NKTR: variants seen among roughly 807,000 people sequenced by gnomAD.
NKTR encodes natural killer cell triggering receptor, also known as NK-tumor recognition protein.
In NKTR, 67 loss-of-function variants were observed where a neutral mutation model predicts 156.3. The ratio of observed to expected loss-of-function variants is 0.43; its 90% CI spans 0.35 to 0.53. NKTR has a LOEUF of 0.53. NKTR is among the 20% of genes least tolerant of loss of function. NKTR has a pLI of 0.01. For synonymous variants in NKTR, 640 were observed against 596.6 expected, an observed-to-expected ratio of 1.07 and a Z score of -1.06; for missense variants, 1,604 against 1,730.9, an observed-to-expected ratio of 0.93 and a Z score of 1.30.
Position 42,613,728 on chromosome 3 carries a change from A to G in NKTR, c.59-3842A>G, listed in dbSNP as rs1707067798. On this transcript the variant is annotated intron_variant, in intron 2 of 16. Coordinates refer to ENST00000232978, the MANE Select transcript of NKTR (RefSeq NM_005385.4). ...GCCAAATCAGAATCTACACCATGACATAGACTTTTCCTGTCTGTAGTCAAA... is the reference window on the plus strand; with the variant it reads ...GCCAAATCAGAATCTACACCATGACGTAGACTTTTCCTGTCTGTAGTCAAA... 2.0e-5 allele frequency among the ~76,000 whole-genome samples: 3 copies of G among 152,200 alleles called. No individual in the cohort carries two copies. The South Asian group carries it at 6.2e-4, about 32-fold the overall frequency.
chr3:42,618,500 G>C lies in NKTR; in HGVS notation c.134-520G>C, dbSNP rs556078630. On this transcript the variant is annotated intron_variant, in intron 3 of 16. Transcript: ENST00000232978. ...TTGTCTCAAAAACAGGCTGGAGTGC[G>C]GTAGTGTGATCTCAGCTCACTGCAA... Among the ~76,000 whole-genome samples, 3 of 152,106 alleles carry C rather than the reference G, an allele frequency of 2.0e-5. No homozygotes were observed. In the South Asian group the frequency reaches 6.2e-4, roughly 32 times the overall value.
chr3:42,640,826 G>A (rs776594627), intron 13 of NKTR, among the ~76,000 whole-genome samples: 2 of 152,172 alleles, frequency 1.3e-5, no homozygotes, highest in Non-Finnish European at 2.9e-5. Flanking sequence ...TCGTCCCTGT[G>A]TTCTAGGCTT....
Position 42,621,534 on chromosome 3 carries a change from A to G in NKTR, c.374+18A>G, listed in dbSNP as rs372924764. On this transcript the variant is annotated intron_variant, in intron 6 of 16. Coordinates refer to ENST00000232978, the MANE Select transcript of NKTR (RefSeq NM_005385.4). ...TTTTTCATGTGAGTAGGCATAATTC[A>G]GAGATGAGCTTTTCTTAAACAGAGA... is the stretch of plus-strand genomic sequence containing the variant. 5 of 1,602,314 alleles carry G rather than the reference A, an allele frequency of 3.1e-6. No individual in the cohort carries two copies. The highest frequency in any genetic ancestry group is 4.3e-6 in the Non-Finnish European group (5 of 1,175,836).
At position 42,637,834 on chromosome 3, in the gene NKTR, T is replaced by C. The variant is rs1238433846; in HGVS notation, c.2130T>C (p.Arg710=). 1 of 1,613,872 alleles carries C rather than the reference T, an allele frequency of 6.2e-7. No individual in the cohort carries two copies. The highest frequency in any genetic ancestry group is 8.5e-7 in the Non-Finnish European group (1 of 1,179,816). ...RSYSRSYTRS[R]SLASSHSRSR... Reference sequence around the variant, plus strand: ...ATTCCAGATCATATACAAGATCACGTAGTCTAGCTAGTTCACATTCAAGGT... The same window carrying C: ...ATTCCAGATCATATACAAGATCACGCAGTCTAGCTAGTTCACATTCAAGGT... The change falls in exon 13 of 17, where the codon CGT becomes CGC. Residue 710 remains arginine (R), a synonymous_variant. Coordinates refer to ENST00000232978, the MANE Select transcript of NKTR (RefSeq NM_005385.4).
chr3:42,638,322 G>A lies in NKTR; in HGVS notation c.2618G>A (p.Ser873Asn), dbSNP rs758154642. The A allele has an allele frequency of 1.2e-6, 2 of 1,610,172 alleles. No individual in the cohort carries two copies. The highest frequency in any genetic ancestry group is 2.7e-5 in the African/African-American group (2 of 74,504). The change falls in exon 13 of 17, where the codon AGT becomes AAT. Residue 873 changes from serine to asparagine, a missense_variant. By Grantham distance (46) the Ser-to-Asn change is conservative. This residue lies in a region of NKTR where 1,255 missense variants were observed against 1,243.7 expected (regional missense o/e 1.01). Transcript: ENST00000232978. ...ENLSDHLRNG[S>N]KPKRKNYAGS... ...CTTTCTGATCACCTTAGAAATGGCA[G>A]TAAGCCCAAAAGGAAGAATTATGCT...
chr3:42,629,059 C>A, intron 6 of NKTR: 1 of 919,826 alleles, frequency 1.1e-6, no homozygotes, highest in Non-Finnish European at 1.3e-6. Flanking sequence ...ATAATAGAGT[C>A]ACTAGCTTCT....
At chr3:42,630,366 A>G in intron 6 of NKTR, 180 bp from the exon 7 acceptor site, 1 of 1,406,526 alleles carries the variant, frequency 7.1e-7, no homozygotes, top group Non-Finnish European at 9.2e-7. Context: ...TAAATTAGTA[A>G]GATGGCTACT....
At position 42,642,166 on chromosome 3, in the gene NKTR, G is replaced by A. The variant is rs575584382; in HGVS notation, c.4047-335G>A. ...TAGTTCATTTTCTTCAGAATATTTC[G>A]TTATATATCTCTACCTTAATGTTTT... On this transcript the variant is annotated intron_variant, in intron 13 of 16. Transcript: ENST00000232978. 2.6e-5 allele frequency among the ~76,000 whole-genome samples: 4 copies of A among 152,018 alleles called. No homozygotes were observed. The South Asian group carries it at 6.2e-4, about 24-fold the overall frequency.
Position 42,632,698 on chromosome 3 carries a change from T to G in NKTR, c.648T>G (p.Leu216=). The G allele has an allele frequency of 6.2e-7, 1 of 1,613,880 alleles. No individual in the cohort carries two copies. ...CAGAATCATCTTCAGAAAGTGAACT[T>G]GAACATGAGAGAAGCAGAAGGAGGA... ...SSSESSSESE[L]EHERSRRRKH... Residue 216 remains leucine, a synonymous_variant, in exon 9 of 17, where the codon CTT becomes CTG. Transcript: ENST00000232978.
At position 42,639,032 on chromosome 3, in the gene NKTR, C is replaced by T; in HGVS notation, c.3328C>T (p.His1110Tyr). The change falls in exon 13 of 17, where the codon CAC becomes TAC. Residue 1110 changes from histidine to tyrosine, a missense_variant. By Grantham distance (83) the His-to-Tyr change is moderately conservative (BLOSUM62 2). This residue lies in a region of NKTR where 1,255 missense variants were observed against 1,243.7 expected (regional missense o/e 1.01). Transcript: ENST00000232978. ...ENVACLQNIQHVEESVPNGVE... is the reference protein window; with the variant it reads ...ENVACLQNIQYVEESVPNGVE... Reference sequence around the variant, plus strand: ...TGTGGCCTGTTTACAAAACATTCAGCACGTTGAAGAAAGTGTTCCCAATGG... The same window carrying T: ...TGTGGCCTGTTTACAAAACATTCAGTACGTTGAAGAAAGTGTTCCCAATGG... The T allele has an allele frequency of 6.2e-7, 1 of 1,613,844 alleles. No individual in the cohort carries two copies. Among genetic ancestry groups the T allele is most frequent in the Non-Finnish European group, 8.5e-7 (1 of 1,179,880 alleles).
chr3:42,617,772 G>A, intron 3 of NKTR, 128 bp downstream of exon 3: 1 of 555,906 alleles, frequency 1.8e-6, no homozygotes, highest in Non-Finnish European at 3.2e-6. Flanking sequence ...AAAAAAAAGA[G>A]TTACTTATAC....
rs147385453 is a variant in NKTR, at chr3:42,636,891, G to T, written c.1187G>T (p.Arg396Leu). Residue 396 changes from arginine (R) to leucine (L), a missense_variant, in exon 13 of 17, where the codon CGA becomes CTA. This residue lies in a region of NKTR where 1,255 missense variants were observed against 1,243.7 expected (regional missense o/e 1.01). Transcript: ENST00000232978. ...AGGTTAAGTGACCCCTGTTCAAGCC[G>T]ATGGGATGAAAGAAGCTTGTCTCAG... The part of the protein sequence containing the change: ...GDKLSDPCSS[R>L]WDERSLSQRS... The T allele has an allele frequency of 8.3e-6, 13 of 1,573,570 alleles. No homozygotes were observed. The African/African-American group carries it at 1.7e-4, about 20-fold the overall frequency.
intron 6 of NKTR, chr3:42,627,031 C>T (rs1708459966): frequency 3.2e-6 from 1 of 317,442 alleles, no homozygotes. Flanking sequence ...ACGTAAATAT[C>T]CCATATGAAA....
rs201451644 is a variant in NKTR, at chr3:42,601,086, G to A, written c.58+22G>A. On this transcript the variant is annotated intron_variant, in intron 2 of 16. Coordinates refer to ENST00000232978, the MANE Select transcript of NKTR (RefSeq NM_005385.4). ...CCGGGTGAGCTGGAAACTGGGGAGC[G>A]CTGCTGGGGCCGAGGCCTGCCTTGG... The A allele has an allele frequency of 6.6e-4, 1,022 of 1,546,954 alleles. 1 individual carries two copies. Among genetic ancestry groups the A allele is most frequent in the Non-Finnish European group, 8.1e-4 (926 of 1,148,238 alleles).
rs1320871095 is a variant in NKTR at position 42,644,019 on chromosome 3, T to G, written c.4301+16T>G. On this transcript the variant is annotated intron_variant, in intron 16 of 16. Transcript: ENST00000232978. ...GGCGGTCCAGGTGGGTCTCTCTCCT[T>G]TATCGTCCTTTATCGCACTGTAGGC... 1 of 1,567,628 alleles carries G rather than the reference T, an allele frequency of 6.4e-7. No homozygotes were observed. Among genetic ancestry groups the G allele is most frequent in the African/African-American group, 1.4e-5 (1 of 73,818 alleles).
intron 6 of NKTR, chr3:42,629,477 T>G (rs2125801533): frequency 2.1e-6 from 2 of 967,396 alleles, no homozygotes; most frequent in African/African-American, 1.8e-5. Flanking sequence ...GTTACGAAGG[T>G]TAAAAACTGG....
chr3:42,603,379 A>T lies in NKTR; in HGVS notation c.58+2315A>T, dbSNP rs538198335. 2.0e-4 allele frequency among the ~76,000 whole-genome samples: 28 copies of T among 143,166 alleles called. 1 individual carries two copies. The South Asian group carries it at 6.2e-3, about 32-fold the overall frequency. 93.9% of individuals were successfully genotyped at this position (143,166 alleles called of 152,430 possible). The stretch of plus-strand genomic sequence containing the variant: ...TGTTTCTAAAAAAAAAAAAAAAAAA[A>T]AAAAAACAGCTTAAGAAAAAGTACA... On this transcript the variant is annotated intron_variant, in intron 2 of 16. Transcript: ENST00000232978.
chr3:42,607,791 TATG>T (rs1706366023), intron 2 of NKTR, among the ~76,000 whole-genome samples: 1 of 151,800 alleles, frequency 6.6e-6, no homozygotes, highest in South Asian at 2.1e-4. Flanking sequence ...TATGGATTAT[TATG>T]AGGAGTTTTT....
intron 6 of NKTR, chr3:42,627,985 C>G (rs1708553658): frequency 3.0e-6 from 3 of 985,202 alleles, no homozygotes; most frequent in Non-Finnish European, 2.4e-6. Context: ...TATTATTTCT[C>G]TCCGCCCTTT....
Sources: gnomAD v4.1 joint callset for allele counts (sites outside exome capture counted in the v4.1 genomes callset) on GRCh38, gnomAD v4.1.1 for gene constraint, gnomAD v4.1.1 regional missense constraint, MANE v1.5 for transcripts, NCBI Gene and HGNC (gene_info 2026-07-23, HGNC 2026-07-21) for gene names.